Variants in KIF27 observed in about 807,000 individuals in gnomAD.
KIF27 encodes kinesin family member 27.
A neutral mutation model predicts 141.8 loss-of-function variants in KIF27; 84 were observed. The ratio of observed to expected loss-of-function variants is 0.59; its 90% CI spans 0.50 to 0.71. The LOEUF is 0.71. KIF27 is among the 30% of genes least tolerant of loss of function. The pLI, the probability that KIF27 is intolerant of heterozygous loss-of-function variation, is 0.00. For synonymous variants in KIF27, 471 were observed against 569.5 expected, an observed-to-expected ratio of 0.83 and a Z score of 2.46; for missense variants, 1,306 against 1,628.4, an observed-to-expected ratio of 0.80 and a Z score of 3.41.
chr9:83,904,394 G>A lies in KIF27; in HGVS notation c.500-376C>T, dbSNP rs564005335. On this transcript the variant is annotated intron_variant, in intron 3 of 17. Coordinates refer to ENST00000297814, the MANE Select transcript of KIF27 (RefSeq NM_017576.4). The stretch of plus-strand genomic sequence containing the variant: ...TTAATCCTTTTTTTTTTCTTGAGAC[G>A]GAGTCTCGGCCTGTTGCCCAGGCTA... 6.6e-5 allele frequency among the ~76,000 whole-genome samples: 10 copies of A among 151,308 alleles called. No individual in the cohort carries two copies. The East Asian group carries it at 1.2e-3, about 18-fold the overall frequency.
chr9:83,844,932 T>C lies in KIF27; in HGVS notation c.3557-2531A>G, dbSNP rs534492888. 3.1e-3 allele frequency among the ~76,000 whole-genome samples: 470 copies of C among 152,252 alleles called. 7 individuals carry two copies. Among genetic ancestry groups the C allele is most frequent in the African/African-American group, 0.011 (448 of 41,550 alleles). Reference sequence around the variant, plus strand: ...GAAGGCAGCACATTCCTCATTTGGGTGTGTTACTCTGGCCCATTTATTGAG... The same window carrying C: ...GAAGGCAGCACATTCCTCATTTGGGCGTGTTACTCTGGCCCATTTATTGAG... On this transcript the variant is annotated intron_variant, in intron 16 of 17. Coordinates refer to ENST00000297814, the MANE Select transcript of KIF27 (RefSeq NM_017576.4).
At chr9:83,895,137 C>A (rs1456358026) in intron 5 of KIF27, among the ~76,000 whole-genome samples, 1 of 151,448 alleles carries the variant, frequency 6.6e-6, no homozygotes, top group East Asian at 1.9e-4. Context: ...CGGCGGGCGC[C>A]TGTAGTCCCA....
intron 1 of KIF27, among the ~76,000 whole-genome samples, chr9:83,919,763 C>T (rs960847947): frequency 6.7e-6 from 1 of 149,778 alleles, no homozygotes; most frequent in Admixed American, 6.7e-5. Context: ...GGCATGGTGG[C>T]GTGCGCCTGT....
chr9:83,898,526 C>A (rs1448579116), intron 5 of KIF27, among the ~76,000 whole-genome samples: 1 of 152,172 alleles, frequency 6.6e-6, no homozygotes, highest in East Asian at 1.9e-4. Flanking sequence ...TAAGGAGGCA[C>A]TAAAAATTTT....
chr9:83,860,877 T>C (rs1249763849), intron 13 of KIF27, among the ~76,000 whole-genome samples: 6 of 147,462 alleles, frequency 4.1e-5, no homozygotes, highest in African/African-American at 1.5e-4. Flanking sequence ...ATAGGCTTGA[T>C]GGGAGATTTT....
At chr9:83,899,050 T>C (rs949284243) in intron 5 of KIF27, 7 of 152,134 alleles carry the variant, frequency 4.6e-5, no homozygotes, top group African/African-American at 1.4e-4. Flanking sequence ...AATCAAAATC[T>C]GATGTGTGCT....
chr9:83,862,567 G>C (rs1290951685), intron 13 of KIF27, among the ~76,000 whole-genome samples: 6 of 152,138 alleles, frequency 3.9e-5, no homozygotes, highest in Non-Finnish European at 8.8e-5. Flanking sequence ...ATGCTGTTTT[G>C]GTTACTGTAG....
Position 83,842,281 on chromosome 9 carries a change from TC to T in KIF27, c.3676del (p.Glu1226AsnfsTer3). On this transcript the variant is annotated frameshift_variant, in exon 17 of 18. Coordinates refer to ENST00000297814, the MANE Select transcript of KIF27 (RefSeq NM_017576.4). LOFTEE classifies it low-confidence loss of function (END_TRUNC). ...CCGCCGAATTGCTTCCCCTACCAGT[TC>T]CTTAAGTTTCTTCTTATGATCCCGG... ...TSRDHKKKLKELVGEAIRRQL... is the reference protein window; with the variant it reads ...TSRDHKKKLKXLVGEAIRRQL... 6.4e-7 allele frequency: 1 copy of T among 1,567,354 alleles called. No individual in the cohort carries two copies. The highest frequency in any genetic ancestry group is 1.4e-5 in the African/African-American group (1 of 71,910).
At chr9:83,915,881 G>A (rs1483773068) in intron 1 of KIF27, among the ~76,000 whole-genome samples, 1 of 152,088 alleles carries the variant, frequency 6.6e-6, no homozygotes, top group Non-Finnish European at 1.5e-5. Context: ...TAATCTAGGT[G>A]TGGGGTCCAT....
At chr9:83,871,102 G>A (rs1950753677) in intron 11 of KIF27, among the ~76,000 whole-genome samples, 1 of 151,704 alleles carries the variant, frequency 6.6e-6, no homozygotes, top group African/African-American at 2.4e-5. Context: ...TTTTTGTAGA[G>A]ATGGGGTCTT....
chr9:83,879,374 A>T (rs1270820503), intron 11 of KIF27, among the ~76,000 whole-genome samples: 1 of 151,314 alleles, frequency 6.6e-6, no homozygotes, highest in East Asian at 1.9e-4. Context: ...AATCTAGGAA[A>T]TCTGGGGCAT....
Position 83,864,680 on chromosome 9 carries a change from T to C in KIF27, c.2934+3004A>G, listed in dbSNP as rs529880133. Among the ~76,000 whole-genome samples, 18 of 152,310 alleles carry C rather than the reference T, an allele frequency of 1.2e-4. No individual in the cohort carries two copies. In the East Asian group the frequency reaches 3.3e-3, roughly 28 times the overall value. ...TTTGGGGTGGAAAGTTCTGTAGATG[T>C]CTATTAGGTCTGCTTGGTGCAGAGC... is the stretch of plus-strand genomic sequence containing the variant. On this transcript the variant is annotated intron_variant, in intron 13 of 17. Coordinates refer to ENST00000297814, the MANE Select transcript of KIF27 (RefSeq NM_017576.4).
At position 83,899,840 on chromosome 9, in the gene KIF27, C is replaced by T. The variant is rs397835004; in HGVS notation, c.1459-36G>A. 4.5e-6 allele frequency: 7 copies of T among 1,565,622 alleles called. No homozygotes were observed. In the South Asian group the frequency reaches 8.3e-5, roughly 19 times the overall value. On this transcript the variant is annotated intron_variant, in intron 4 of 17. Transcript: ENST00000297814. ...AAGAAAGCACAAGTGACATTCACCA[C>T]AGAAAATAATCAAGAAACCCCATAT...
chr9:83,895,988 GT>G (rs1191454437), intron 5 of KIF27, among the ~76,000 whole-genome samples: 1 of 143,928 alleles, frequency 6.9e-6, no homozygotes, highest in Non-Finnish European at 1.5e-5. Flanking sequence ...GGAGGCAGAG[GT>G]TACAGTGAGC....
In KIF27 at chr9:83,892,583, TTAAA is replaced by T. The variant is rs538840617; in HGVS notation, c.1603-1086_1603-1083del. Among the ~76,000 whole-genome samples, 11 of 152,050 alleles carry T rather than the reference TTAAA, an allele frequency of 7.2e-5. 1 individual carries two copies. In the South Asian group the frequency reaches 2.3e-3, roughly 31 times the overall value. ...GATTTTTACCAAAACAGTAATTATGTTAAATTAATGAATGAATAATGAAATTAAA... is the reference window on the plus strand; with the variant it reads ...GATTTTTACCAAAACAGTAATTATGTTTAATGAATGAATAATGAAATTAAA... On this transcript the variant is annotated intron_variant, in intron 5 of 17. Transcript: ENST00000297814.
chr9:83,886,457 C>T (rs1362288671), intron 9 of KIF27, among the ~76,000 whole-genome samples: 1 of 152,076 alleles, frequency 6.6e-6, no homozygotes, highest in Non-Finnish European at 1.5e-5. Context: ...TTTCAATGCC[C>T]TCTCACTGAA....
chr9:83,864,656 T>G (rs185777331), intron 13 of KIF27, among the ~76,000 whole-genome samples: 15 of 152,176 alleles, frequency 9.9e-5, no homozygotes, highest in Admixed American at 8.5e-4. Context: ...TTGTGTTGAT[T>G]TGGGGTGGAA....
At chr9:83,862,358 T>C (rs1305131826) in intron 13 of KIF27, among the ~76,000 whole-genome samples, 1 of 152,224 alleles carries the variant, frequency 6.6e-6, no homozygotes, top group African/African-American at 2.4e-5. Context: ...TTGTATAAGA[T>C]GTAAGGAAGG....
At chr9:83,905,457 G>C (rs1301626602) in intron 3 of KIF27, among the ~76,000 whole-genome samples, 1 of 152,146 alleles carries the variant, frequency 6.6e-6, no homozygotes, top group Non-Finnish European at 1.5e-5. Flanking sequence ...GGTGGACTTA[G>C]GAATTGAATC....
Sources: gnomAD v4.1 joint callset for allele counts (sites outside exome capture counted in the v4.1 genomes callset) on GRCh38, gnomAD v4.1.1 for gene constraint, MANE v1.5 for transcripts, NCBI Gene and HGNC (gene_info 2026-07-23, HGNC 2026-07-21) for gene names.